Variants in KCNIP4 observed in about 807,000 individuals in gnomAD.
KCNIP4 encodes the protein potassium voltage-gated channel interacting protein 4, also known as Kv channel-interacting protein 4.
KCNIP4 carries 12 observed loss-of-function variants against 34.0 expected under a neutral mutation model. The observed-to-expected ratio is 0.35, with a 90% CI of 0.23 to 0.57. KCNIP4 has a LOEUF of 0.57. Ranked by LOEUF, KCNIP4 falls within the 20% of genes least tolerant of loss-of-function variation. The pLI is 0.83. For synonymous variants in KCNIP4, 124 were observed against 102.2 expected (o/e 1.21, Z -1.29); for missense variants, 238 against 311.7 (o/e 0.76, Z 1.78).
intron 1 of KCNIP4, among the ~76,000 whole-genome samples, chr4:20,893,589 T>A (rs1267515774): frequency 2.3e-5 from 3 of 127,938 alleles, no homozygotes; most frequent in African/African-American, 9.8e-5. Flanking sequence ...TGCCCCAGTA[T>A]TTTTTTTTTT....
intron 1 of KCNIP4, among the ~76,000 whole-genome samples, chr4:21,396,903 A>G (rs911229855): frequency 6.6e-6 from 1 of 152,200 alleles, no homozygotes. Context: ...AATGAATTCA[A>G]ATTTCTGGTG....
chr4:20,890,440 G>T (rs1577322396), intron 1 of KCNIP4, among the ~76,000 whole-genome samples: 2 of 151,988 alleles, frequency 1.3e-5, no homozygotes, highest in East Asian at 3.9e-4. Flanking sequence ...TACATAAGAT[G>T]AAAAGGTGTC....
rs1715204654 is a variant in KCNIP4 at position 21,726,489 on chromosome 4, A to G, written c.61+222082T>C. Among the ~76,000 whole-genome samples the G allele has an allele frequency of 2.0e-5, 3 of 152,158 alleles. No homozygotes were observed. The South Asian group carries it at 6.2e-4, about 31-fold the overall frequency. On this transcript the variant is annotated intron_variant, in intron 1 of 8. Coordinates refer to ENST00000382152, the MANE Select transcript of KCNIP4 (RefSeq NM_025221.6). ...GGGATGACCTAGAGCACAAGTTAGA[A>G]AAATCGTAACAAGACAGAAATTCGA...
chr4:21,441,211 G>C (rs915331176), intron 1 of KCNIP4, among the ~76,000 whole-genome samples: 1 of 149,340 alleles, frequency 6.7e-6, no homozygotes, highest in African/African-American at 2.5e-5. Flanking sequence ...GCGTGATCTC[G>C]GCTCACTGCA....
intron 1 of KCNIP4, among the ~76,000 whole-genome samples, chr4:21,920,353 CTA>C (rs1160221570): frequency 6.6e-6 from 1 of 152,102 alleles, no homozygotes; most frequent in African/African-American, 2.4e-5. Context: ...ATTTCCTAAA[CTA>C]TATAGAATTA....
chr4:21,868,216 A>G (rs766100846), intron 1 of KCNIP4, among the ~76,000 whole-genome samples: 5 of 152,196 alleles, frequency 3.3e-5, no homozygotes, highest in Non-Finnish European at 7.3e-5. Context: ...AAAATAGCAT[A>G]GATATTTTAT....
At chr4:20,827,994 G>A (rs1199701371) in intron 3 of KCNIP4, among the ~76,000 whole-genome samples, 1 of 152,050 alleles carries the variant, frequency 6.6e-6, no homozygotes, top group Non-Finnish European at 1.5e-5. Context: ...TATAGGCTGG[G>A]AGACCACTGT....
chr4:21,081,515 A>C (rs1047840102), intron 1 of KCNIP4, among the ~76,000 whole-genome samples: 2 of 151,748 alleles, frequency 1.3e-5, no homozygotes, highest in African/African-American at 2.4e-5. Flanking sequence ...AAACGGCCCC[A>C]AATTTTGTTA....
chr4:21,476,095 T>C (rs182607719), intron 1 of KCNIP4, among the ~76,000 whole-genome samples: 2 of 152,194 alleles, frequency 1.3e-5, no homozygotes, highest in Non-Finnish European at 2.9e-5. Flanking sequence ...TAAGTAAATA[T>C]CTCTAGCTCA....
At chr4:21,723,232 C>A (rs372207371) in intron 1 of KCNIP4, among the ~76,000 whole-genome samples, 1 of 152,234 alleles carries the variant, frequency 6.6e-6, no homozygotes, top group South Asian at 2.1e-4. Flanking sequence ...AAAATAAAAT[C>A]TGTGATGCTG....
intron 1 of KCNIP4, among the ~76,000 whole-genome samples, chr4:21,519,343 T>C (rs868592443): frequency 2.2e-4 from 25 of 115,148 alleles, no homozygotes; most frequent in East Asian, 1.1e-3. Context: ...GAGAGAGAGA[T>C]ACACACACAC....
Position 21,837,532 on chromosome 4 carries a change from C to CAAAAAAAAA in KCNIP4, c.61+111030_61+111038dup, listed in dbSNP as rs60449238. Among the ~76,000 whole-genome samples the CAAAAAAAAA allele has an allele frequency of 4.6e-4, 36 of 78,502 alleles. 1 individual carries two copies. The highest frequency in any genetic ancestry group is 2.1e-3 in the East Asian group (4 of 1,942). The allele number at this position is 78,502 out of a possible 152,430, so 51.5% of individuals were successfully genotyped here. A position where few individuals can be genotyped will look rare whatever the true frequency, so the allele number is the denominator to read the frequency against. ...CTGGGCAACAAGAGCAAAACGCTGT[C>CAAAAAAAAA]AAAAAAAAAAAAAAAGAAAAAGAAA... is the stretch of plus-strand genomic sequence containing the variant. On this transcript the variant is annotated intron_variant, in intron 1 of 8. Coordinates refer to ENST00000382152, the MANE Select transcript of KCNIP4 (RefSeq NM_025221.6).
chr4:20,748,894 G>GTGTA (rs1160169512), intron 5 of KCNIP4, among the ~76,000 whole-genome samples: 5,382 of 145,114 alleles, frequency 0.037, 116 homozygotes, highest in Middle Eastern at 0.058. Context: ...GTGTGTGTGT[G>GTGTA]TATATATATA....
rs141008514 is a variant in KCNIP4 at position 21,134,108 on chromosome 4, G to A, written c.62-251399C>T. Among the ~76,000 whole-genome samples the A allele has an allele frequency of 7.2e-3, 1,099 of 152,144 alleles. 20 individuals are homozygous for A. The highest frequency in any genetic ancestry group is 0.025 in the African/African-American group (1,038 of 41,512). Reference sequence around the variant, plus strand: ...CTAAATTTGTTCTGAGGTCTCCCCAGACCACCCACAGGTGACCTTTGAACA... The same window carrying A: ...CTAAATTTGTTCTGAGGTCTCCCCAAACCACCCACAGGTGACCTTTGAACA... On this transcript the variant is annotated intron_variant, in intron 1 of 8. Transcript: ENST00000382152.
chr4:21,461,724 G>T (rs1347362328), intron 1 of KCNIP4, among the ~76,000 whole-genome samples: 1 of 151,738 alleles, frequency 6.6e-6, no homozygotes, highest in Non-Finnish European at 1.5e-5. Flanking sequence ...TCATCTGCTT[G>T]CCATGTCTTT....
chr4:21,689,825 T>C (rs1349934636), intron 1 of KCNIP4, among the ~76,000 whole-genome samples: 4 of 152,022 alleles, frequency 2.6e-5, no homozygotes, highest in Non-Finnish European at 5.9e-5. Context: ...CTCATATTTG[T>C]TCTTCCTGAA....
intron 1 of KCNIP4, chr4:21,613,442 GA>G (rs1744321132): frequency 1.3e-5 from 2 of 152,104 alleles, no homozygotes; most frequent in African/African-American, 4.8e-5. Context: ...CCATATAAAT[GA>G]ACTACCTTGA....
intron 1 of KCNIP4, among the ~76,000 whole-genome samples, chr4:21,903,630 CT>C (rs2108971324): frequency 6.6e-6 from 1 of 152,032 alleles, no homozygotes; most frequent in South Asian, 2.1e-4. Flanking sequence ...ATTTATTATT[CT>C]TTTTTAATAT....
At chr4:21,244,004 A>T (rs756962049) in intron 1 of KCNIP4, among the ~76,000 whole-genome samples, 2 of 152,218 alleles carry the variant, frequency 1.3e-5, no homozygotes, top group African/African-American at 4.8e-5. Flanking sequence ...ATAAATTGCT[A>T]GTGAGGCAAG....
Sources: allele counts gnomAD v4.1 joint callset (sites outside exome capture counted in the v4.1 genomes callset), GRCh38; gene constraint gnomAD v4.1.1; transcripts MANE v1.5; gene names NCBI Gene and HGNC (gene_info 2026-07-23, HGNC 2026-07-21).